The following GLIS3 variants were observed in gnomAD, a reference collection of about 807,000 sequenced individuals.
The protein encoded by GLIS3 is GLIS family zinc finger 3, also known as zinc finger protein GLIS3.
A neutral mutation model predicts 78.6 loss-of-function variants in GLIS3; 53 were observed. The ratio of observed to expected loss-of-function variants is 0.67; its 90% CI spans 0.54 to 0.85. GLIS3 has a LOEUF of 0.85. Among genes scored for constraint, GLIS3 ranks in the 40% least tolerant of loss-of-function variants. The probability of loss-of-function intolerance (pLI) is 0.00; values close to 1 mark genes in which losing one functional copy is unlikely to be tolerated. For missense variants in GLIS3, 1,703 were observed against 1,231.1 expected (o/e 1.38, Z -5.74); for synonymous variants, 684 against 509.9 (o/e 1.34, Z -4.60).
At chr9:4,154,871 G>C (rs1048940428) in intron 2 of GLIS3, among the ~76,000 whole-genome samples, 16 of 152,214 alleles carry the variant, frequency 1.1e-4, no homozygotes, top group African/African-American at 3.4e-4. Context: ...CGTAAGTTCA[G>C]TAAAAAAGAA....
At chr9:4,379,017 T>G in the GLIS3 span, among the ~76,000 whole-genome samples, 2 of 152,150 alleles carry the variant, frequency 1.3e-5, no homozygotes, top group East Asian at 3.9e-4. Flanking sequence ...TAAGTGAAAA[T>G]GCTATATAAG....
At chr9:4,327,391 A>G (rs1280098320) in intron 2 of GLIS3, among the ~76,000 whole-genome samples, 2 of 152,130 alleles carry the variant, frequency 1.3e-5, no homozygotes, top group Non-Finnish European at 2.9e-5. Flanking sequence ...TGAGCTTTGG[A>G]AAGAGGTGTC....
At chr9:3,951,075 G>A (rs1206735240) in intron 4 of GLIS3, among the ~76,000 whole-genome samples, 3 of 152,328 alleles carry the variant, frequency 2.0e-5, no homozygotes, top group African/African-American at 7.2e-5. Context: ...TGAAATGCAT[G>A]TTTTCTAGAT....
chr9:4,423,360 G>A, the GLIS3 span, among the ~76,000 whole-genome samples: 1 of 152,046 alleles, frequency 6.6e-6, no homozygotes, highest in Admixed American at 6.6e-5. Context: ...AGCTCCCAAG[G>A]CCTCCTGGTG....
chr9:4,081,552 G>A (rs1281662121), intron 4 of GLIS3, among the ~76,000 whole-genome samples: 2 of 152,168 alleles, frequency 1.3e-5, no homozygotes, highest in African/African-American at 4.8e-5. Context: ...AACCTAAGGT[G>A]GATGGAGCCT....
At chr9:4,058,736 T>G (rs1826356759) in intron 4 of GLIS3, among the ~76,000 whole-genome samples, 1 of 152,130 alleles carries the variant, frequency 6.6e-6, no homozygotes. Flanking sequence ...ATCCCAGCAC[T>G]TTGGGAGGCC....
chr9:4,048,244 G>T (rs1024279263), intron 4 of GLIS3, among the ~76,000 whole-genome samples: 3 of 152,154 alleles, frequency 2.0e-5, no homozygotes, highest in Non-Finnish European at 4.4e-5. Flanking sequence ...TGAAACCAAG[G>T]AAAGTAAATG....
At chr9:4,198,898 A>T (rs1819109476) in intron 2 of GLIS3, among the ~76,000 whole-genome samples, 1 of 152,184 alleles carries the variant, frequency 6.6e-6, no homozygotes, top group Non-Finnish European at 1.5e-5. Context: ...GAGAGATTAG[A>T]TGTCAATTTT....
chr9:4,031,832 G>T (rs182486172), intron 4 of GLIS3, among the ~76,000 whole-genome samples: 1 of 152,230 alleles, frequency 6.6e-6, no homozygotes, highest in East Asian at 1.9e-4. Flanking sequence ...TCTCTCTTTG[G>T]CGATACAATA....
the GLIS3 span, among the ~76,000 whole-genome samples, chr9:4,390,765 G>A: frequency 1.3e-5 from 2 of 152,254 alleles, no homozygotes; most frequent in African/African-American, 4.8e-5. Context: ...ATACAATGGG[G>A]CTACCTCTCC....
intron 2 of GLIS3, among the ~76,000 whole-genome samples, chr9:4,162,337 G>A (rs1457813789): frequency 1.3e-5 from 2 of 152,086 alleles, no homozygotes; most frequent in Non-Finnish European, 2.9e-5. Flanking sequence ...GTCACATTCT[G>A]AGGTTCCAGG....
intron 6 of GLIS3, among the ~76,000 whole-genome samples, chr9:3,900,302 A>T (rs904505419): frequency 6.6e-6 from 1 of 151,138 alleles, no homozygotes; most frequent in Non-Finnish European, 1.5e-5. Context: ...TCAAAAACTT[A>T]AAAAAAAACA....
chr9:4,212,076 A>G (rs1820428337), intron 2 of GLIS3, among the ~76,000 whole-genome samples: 2 of 152,234 alleles, frequency 1.3e-5, no homozygotes, highest in South Asian at 4.1e-4. Flanking sequence ...CTAAAACTGG[A>G]TTATGGTCAT....
chr9:4,348,715 G>A (rs552452181), upstream of GLIS3, among the ~76,000 whole-genome samples: 52 of 152,044 alleles, frequency 3.4e-4, no homozygotes, highest in Admixed American at 5.9e-4. Flanking sequence ...GTAAATATGC[G>A]GTCATTAAAA....
chr9:3,900,151 A>G (rs1482632266), intron 6 of GLIS3, among the ~76,000 whole-genome samples: 1 of 150,822 alleles, frequency 6.6e-6, no homozygotes, highest in African/African-American at 2.4e-5. Context: ...TGGGAAGGAG[A>G]CGTTGGATAA....
At chr9:4,369,508 T>C in the GLIS3 span, among the ~76,000 whole-genome samples, 1 of 152,188 alleles carries the variant, frequency 6.6e-6, no homozygotes, top group African/African-American at 2.4e-5. Context: ...ATGATCAAAA[T>C]TGTCTTGAGA....
intron 4 of GLIS3, among the ~76,000 whole-genome samples, chr9:4,079,408 T>C (rs930818074): frequency 1.1e-4 from 16 of 152,192 alleles, no homozygotes; most frequent in Non-Finnish European, 2.2e-4. Context: ...CTGCAGGATT[T>C]GCAAGCCATA....
intron 4 of GLIS3, among the ~76,000 whole-genome samples, chr9:4,067,721 G>A (rs1470637965): frequency 6.6e-6 from 1 of 151,664 alleles, no homozygotes; most frequent in Non-Finnish European, 1.5e-5. Context: ...ACATGGTAAA[G>A]ACATGAATTG....
intron 2 of GLIS3, among the ~76,000 whole-genome samples, chr9:4,182,134 A>ACC (rs1817383716): frequency 1.3e-5 from 2 of 152,170 alleles, no homozygotes; most frequent in Admixed American, 1.3e-4. Context: ...TCCTATAAGG[A>ACC]CCGTTTTTTC....
Sources: allele counts gnomAD v4.1 joint callset (sites outside exome capture counted in the v4.1 genomes callset), GRCh38; gene constraint gnomAD v4.1.1; transcripts MANE v1.5; gene names NCBI Gene and HGNC (gene_info 2026-07-23, HGNC 2026-07-21).